The following ABI2 variants were observed in gnomAD, a reference collection of about 807,000 sequenced individuals.
ABI2 encodes abl interactor 2.
Under a neutral mutation model 59.2 loss-of-function variants are expected in ABI2, and 25 were observed. The observed-to-expected ratio is 0.42, with a 90% CI of 0.31 to 0.59. The LOEUF (loss-of-function observed/expected upper bound fraction) is 0.59. Among genes scored for constraint, ABI2 ranks in the 20% least tolerant of loss-of-function variants. ABI2 has a pLI of 0.14. For synonymous variants in ABI2, 213 were observed against 235.5 expected (o/e 0.90, Z 0.87); for missense variants, 545 against 681.8 (o/e 0.80, Z 2.23).
At chr2:203,400,940 A>G (rs1474479315) in intron 8 of ABI2, among the ~76,000 whole-genome samples, 2 of 152,228 alleles carry the variant, frequency 1.3e-5, no homozygotes, top group Non-Finnish European at 2.9e-5. Context: ...GATCATGAAG[A>G]TTTCAACAAA....
chr2:203,354,136 C>T (rs1369554046), intron 1 of ABI2, among the ~76,000 whole-genome samples: 2 of 152,154 alleles, frequency 1.3e-5, no homozygotes, highest in African/African-American at 2.4e-5. Context: ...CCTCCACCTC[C>T]CGGGCTCAAG....
At chr2:203,346,336 C>T (rs918335052) in intron 1 of ABI2, among the ~76,000 whole-genome samples, 7 of 152,018 alleles carry the variant, frequency 4.6e-5, no homozygotes, top group Non-Finnish European at 7.4e-5. Flanking sequence ...CCACAAAAGA[C>T]TATGTTTGTT....
chr2:203,425,282 G>A (rs1269327081), intron 11 of ABI2, among the ~76,000 whole-genome samples: 1 of 151,918 alleles, frequency 6.6e-6, no homozygotes, highest in Non-Finnish European at 1.5e-5. Flanking sequence ...GGAGGGAAGT[G>A]TTGCGATCTC....
At chr2:203,342,292 G>T in intron 1 of ABI2, 1 of 436,720 alleles carries the variant, frequency 2.3e-6, no homozygotes, top group Admixed American at 2.6e-5. Flanking sequence ...AAGAATCTTC[G>T]TTGTAAATTT....
At chr2:203,393,820 A>G (rs2096867278) in intron 5 of ABI2, among the ~76,000 whole-genome samples, 1 of 152,220 alleles carries the variant, frequency 6.6e-6, no homozygotes, top group African/African-American at 2.4e-5. Flanking sequence ...ACTGTTTATC[A>G]TTGTCATAAA....
intron 4 of ABI2, among the ~76,000 whole-genome samples, chr2:203,390,007 G>T (rs2096678269): frequency 6.6e-6 from 1 of 152,106 alleles, no homozygotes; most frequent in African/African-American, 2.4e-5. Context: ...TTCAGTTTGG[G>T]CCCAAGTGGG....
intron 11 of ABI2, among the ~76,000 whole-genome samples, chr2:203,423,486 T>C (rs556472394): frequency 8.5e-5 from 13 of 152,312 alleles, no homozygotes; most frequent in African/African-American, 2.4e-4. Context: ...AGTGCAGTGG[T>C]GCAATCTCGG....
chr2:203,328,585 C>G lies in ABI2; in HGVS notation c.71C>G (p.Thr24Arg), dbSNP rs1302804749. 2 of 1,605,030 alleles carry G rather than the reference C, an allele frequency of 1.2e-6. No individual in the cohort carries two copies. Among genetic ancestry groups the G allele is most frequent in the Admixed American group, 1.7e-5 (1 of 59,404 alleles). The change falls in exon 1 of 12, where the codon ACA becomes AGA. Residue 24 changes from threonine (T) to arginine (R), a missense_variant. By Grantham distance (71) the Thr-to-Arg change is moderately conservative. Around this residue, in one of 4 missense-constraint regions of ABI2, gnomAD observed 55 missense variants for 59.7 expected, o/e 0.92. Transcript: ENST00000261018. ...GGRRALFDSYTNLERVADYCE... is the reference protein window; with the variant it reads ...GGRRALFDSYRNLERVADYCE... ...CGCCGGGCCCTCTTCGACAGCTACA[C>G]AAATCTGGAACGGGTGGCCGATTAC... is the stretch of plus-strand genomic sequence containing the variant.
Position 203,430,186 on chromosome 2 carries a change from TTTA to T in ABI2, c.*2837_*2839del. 1 of 152,164 alleles carries T rather than the reference TTTA, an allele frequency of 6.6e-6. No individual in the cohort carries two copies. The highest frequency in any genetic ancestry group is 1.5e-5 in the Non-Finnish European group (1 of 68,016). 9.4% of individuals were successfully genotyped at this position (152,164 alleles called of 1,614,324 possible). A position where few individuals can be genotyped will look rare whatever the true frequency, so the allele number is the denominator to read the frequency against. ...CATCTGTGAGGGTAGTATTTTTTGT[TTTA>T]TTGTAAGTTTCCCTCTTTTTTTATA... On this transcript the variant is annotated 3_prime_UTR_variant, in exon 12 of 12. Coordinates refer to ENST00000261018, the MANE Select transcript of ABI2 (RefSeq NM_001375670.1).
intron 1 of ABI2, among the ~76,000 whole-genome samples, chr2:203,344,663 G>C (rs370180869): frequency 1.3e-5 from 2 of 151,922 alleles, no homozygotes; most frequent in Non-Finnish European, 1.5e-5. Context: ...TTCTGGGTCC[G>C]GTGGGGACTT....
intron 3 of ABI2, 110 bp downstream of exon 3, chr2:203,380,494 GC>G: frequency 1.5e-6 from 1 of 677,542 alleles, no homozygotes; most frequent in Non-Finnish European, 2.2e-6. Context: ...CAAAGTCTTG[GC>G]CCAGTTGTGG....
intron 9 of ABI2, among the ~76,000 whole-genome samples, chr2:203,403,036 T>G (rs1233844446): frequency 6.6e-6 from 1 of 152,226 alleles, no homozygotes; most frequent in African/African-American, 2.4e-5. Context: ...TCCTTTTTAT[T>G]TAATCAGACA....
At chr2:203,385,729 C>T (rs533098892) in intron 4 of ABI2, among the ~76,000 whole-genome samples, 24 of 152,278 alleles carry the variant, frequency 1.6e-4, no homozygotes, top group African/African-American at 5.5e-4. Context: ...CTTTGAGAGA[C>T]CCATCTGTTT....
chr2:203,428,410 A>G lies in ABI2; in HGVS notation c.*1058A>G, dbSNP rs2098457777. The G allele has an allele frequency of 6.6e-6, 1 of 152,618 alleles. No homozygotes were observed. The highest frequency in any genetic ancestry group is 2.1e-4 in the South Asian group (1 of 4,834). The allele number at this position is 152,618 out of a possible 1,614,324, so 9.5% of individuals were successfully genotyped here. ...TGCTCTCTGGACGTTATTAATGGCC[A>G]GTATTAGTTGCTGCTGTATTACTGA... On this transcript the variant is annotated 3_prime_UTR_variant, in exon 12 of 12. Transcript: ENST00000261018.
chr2:203,355,161 G>A (rs1036186961), intron 1 of ABI2: 3 of 395,042 alleles, frequency 7.6e-6, no homozygotes, highest in Admixed American at 2.4e-5. Context: ...TAGGCTTTCC[G>A]TTTTGACAGT....
intron 9 of ABI2, 29 bp downstream of exon 9, chr2:203,402,763 T>C (rs1388568117): frequency 6.6e-7 from 1 of 1,511,952 alleles, no homozygotes; most frequent in Non-Finnish European, 8.8e-7. Context: ...TTGCATTCTA[T>C]AGAATGTATT....
rs370539214 is a variant in ABI2, at chr2:203,395,759, T to C, written c.829T>C (p.Ser277Pro). Residue 277 changes from serine (S) to proline (P), a missense_variant, in exon 7 of 12, where the codon TCT (serine) becomes CCT (proline). By Grantham distance (74) the Ser-to-Pro change is moderately conservative. Coordinates refer to ENST00000261018, the MANE Select transcript of ABI2 (RefSeq NM_001375670.1). ...VGVPIAVPTP[S>P]PPSVFPAPAG... The stretch of plus-strand genomic sequence containing the variant: ...GGTTCCTATTGCTGTTCCTACTCCA[T>C]CTCCTCCCAGTGTCTTTCCAGGTAA... 3 of 1,602,476 alleles carry C rather than the reference T, an allele frequency of 1.9e-6. No homozygotes were observed. The highest frequency in any genetic ancestry group is 1.3e-5 in the African/African-American group (1 of 74,276).
intron 2 of ABI2, among the ~76,000 whole-genome samples, chr2:203,369,261 GA>G (rs1244392958): frequency 2.6e-5 from 4 of 151,758 alleles, no homozygotes; most frequent in East Asian, 3.8e-4. Context: ...ATGTTAAAAA[GA>G]AACGTTAAAA....
rs201494250 is a variant in ABI2, at chr2:203,416,899, C to G, written c.1280-9C>G. 5 of 1,604,864 alleles carry G rather than the reference C, an allele frequency of 3.1e-6. No individual in the cohort carries two copies. The highest frequency in any genetic ancestry group is 2.6e-6 in the Non-Finnish European group (3 of 1,175,214). Reference sequence around the variant, plus strand: ...ATATAGTTTTGTTGTCAGCCTGATACGTTCTTAGTTTCAGATACACCACCT... The same window carrying G: ...ATATAGTTTTGTTGTCAGCCTGATAGGTTCTTAGTTTCAGATACACCACCT... On this transcript the variant is annotated splice_polypyrimidine_tract_variant and intron_variant, in intron 10 of 11. Coordinates refer to ENST00000261018, the MANE Select transcript of ABI2 (RefSeq NM_001375670.1).
Sources: allele counts gnomAD v4.1 joint callset (sites outside exome capture counted in the v4.1 genomes callset), GRCh38; gene constraint gnomAD v4.1.1; regional missense constraint gnomAD v4.1.1; transcripts MANE v1.5; gene names NCBI Gene and HGNC (gene_info 2026-07-23, HGNC 2026-07-21).